The following RB1 variants were observed in gnomAD, a reference collection of about 807,000 sequenced individuals.
The protein encoded by RB1 is RB transcriptional corepressor 1.
RB1 carries 18 observed loss-of-function variants against 135.4 expected under a neutral mutation model. That is an observed-to-expected ratio of 0.13 (90% CI 0.09 to 0.20). RB1 has a LOEUF of 0.20. Ranked by LOEUF, RB1 falls within the 10% of genes least tolerant of loss-of-function variation. RB1 has a pLI of 1.00. For missense variants in RB1, 868 were observed against 1,110.0 expected (o/e 0.78, Z 3.10); for synonymous variants, 365 against 373.2 (o/e 0.98, Z 0.25).
rs553708798 is a variant in RB1 at position 48,459,904 on chromosome 13, T to C, written c.2106+71T>C. 2.3e-3 allele frequency: 1,050 copies of C among 462,432 alleles called. 41 individuals carry two copies. The African/African-American group carries it at 0.034, about 15-fold the overall frequency. The allele number at this position is 462,432 out of a possible 1,614,324, so 28.6% of individuals were successfully genotyped here. On this transcript the variant is annotated intron_variant, in intron 20 of 26. Coordinates refer to ENST00000267163, the MANE Select transcript of RB1 (RefSeq NM_000321.3). ...TTAACTGATTCTTTCTTTCTTTCTT[T>C]CTTTCTTTCTTTCTTTCTTTCTTTC...
chr13:48,313,818 G>A (rs1262485525), intron 2 of RB1, among the ~76,000 whole-genome samples: 2 of 129,236 alleles, frequency 1.5e-5, no homozygotes, highest in Non-Finnish European at 3.1e-5. Flanking sequence ...GCACAATCTC[G>A]GCTTCCTGCA....
chr13:48,328,788 A>T (rs1452825581), intron 2 of RB1, among the ~76,000 whole-genome samples: 1 of 152,176 alleles, frequency 6.6e-6, no homozygotes, highest in African/African-American at 2.4e-5. Context: ...TAGGATTCAA[A>T]TCAGTGTGGA....
chr13:48,319,192 C>A lies in RB1; in HGVS notation c.264+11786C>A. 1 of 647,300 alleles carries A rather than the reference C, an allele frequency of 1.5e-6. No homozygotes were observed. 40.1% of individuals were successfully genotyped at this position (647,300 alleles called of 1,614,324 possible). ...AGGCACCCCGGGCAAGGGTCTGTGG[C>A]CTTGGTGGCCACTGGCTTCCTCTAG... On this transcript the variant is annotated intron_variant, in intron 2 of 26. Transcript: ENST00000267163. This position sits in a 1 kb window ranked among gnomAD's most constrained non-coding sequence, Gnocchi z 5.0.
chr13:48,379,524 A>AG, intron 13 of RB1, 70 bp from the exon 14 acceptor site: 1 of 1,554,866 alleles, frequency 6.4e-7, no homozygotes, highest in Non-Finnish European at 8.7e-7. Flanking sequence ...CATCTCAAAA[A>AG]AAAAAAAAAT....
rs2138331465 is a variant in RB1 at position 48,456,306 on chromosome 13, G to A, written c.1917G>A (p.Gln639=). 6.2e-7 allele frequency: 1 copy of A among 1,614,218 alleles called. No homozygotes were observed. The highest frequency in any genetic ancestry group is 8.5e-7 in the Non-Finnish European group (1 of 1,180,046). ...ETQATSAFQT[Q]KPLKSTSLSL... ...AAGCAACCTCAGCCTTCCAGACCCA[G>A]AAGCCATTGAAATCTACCTCTCTTT... Residue 639 remains glutamine, a synonymous_variant, in exon 19 of 27, where the codon CAG becomes CAA. Transcript: ENST00000267163.
At chr13:48,360,291 A>T in intron 7 of RB1, 164 bp downstream of exon 7, 1 of 1,398,216 alleles carries the variant, frequency 7.2e-7, no homozygotes, top group Non-Finnish European at 9.4e-7. Context: ...AAGATAAGAC[A>T]TGGAAACAAA....
intron 17 of RB1, among the ~76,000 whole-genome samples, chr13:48,402,496 G>C (rs1948701940): frequency 6.7e-6 from 1 of 148,668 alleles, no homozygotes; most frequent in South Asian, 2.2e-4. Context: ...TCCCACCTCA[G>C]CCTCCTTAGT....
intron 2 of RB1, among the ~76,000 whole-genome samples, chr13:48,315,720 T>TA (rs1352146068): frequency 6.6e-6 from 1 of 152,246 alleles, no homozygotes; most frequent in African/African-American, 2.4e-5. Flanking sequence ...TGTTGAGCTA[T>TA]ATACCACACT....
intron 17 of RB1, among the ~76,000 whole-genome samples, chr13:48,388,877 C>T (rs375562530): frequency 4.6e-5 from 7 of 151,770 alleles, no homozygotes; most frequent in South Asian, 2.1e-4. Flanking sequence ...ATAGAGAGAC[C>T]GACCAGGTGC....
chr13:48,452,922 T>G (rs1949336866), intron 17 of RB1, 71 bp from the exon 18 acceptor site: 1 of 1,595,268 alleles, frequency 6.3e-7, no homozygotes, highest in African/African-American at 1.3e-5. Context: ...TGTCAAACAA[T>G]ATGATTTTGA....
chr13:48,319,930 G>T lies in RB1; in HGVS notation c.264+12524G>T. 1 of 341,086 alleles carries T rather than the reference G, an allele frequency of 2.9e-6. No individual in the cohort carries two copies. The highest frequency in any genetic ancestry group is 5.6e-6 in the Non-Finnish European group (1 of 177,422). 21.1% of individuals were successfully genotyped at this position (341,086 alleles called of 1,614,324 possible). ...ACCTGAGCCAGGTACAAGTTTTGGG[G>T]GGACACACGGAAGTCGGGGCACTGC... On this transcript the variant is annotated intron_variant, in intron 2 of 26. Coordinates refer to ENST00000267163, the MANE Select transcript of RB1 (RefSeq NM_000321.3). The surrounding 1 kb of genome is among the most constrained non-coding windows in gnomAD (Gnocchi z 5.0).
chr13:48,364,840 G>A, intron 8 of RB1, 54 bp from the exon 9 acceptor site: 1 of 1,533,508 alleles, frequency 6.5e-7, no homozygotes, highest in Non-Finnish European at 8.8e-7. Flanking sequence ...AGAGTCAAGA[G>A]ATTAGATTTT....
At chr13:48,328,498 A>C (rs1246286157) in intron 2 of RB1, 1 of 801,488 alleles carries the variant, frequency 1.2e-6, no homozygotes, top group Non-Finnish European at 2.3e-6. Context: ...CCTCTCCATT[A>C]CTCCAGCAGC....
intron 2 of RB1, chr13:48,318,755 G>T: frequency 1.5e-6 from 1 of 672,502 alleles, no homozygotes; most frequent in South Asian, 1.6e-5. Flanking sequence ...GGGGGGCCTT[G>T]GGGCCACTGG....
chr13:48,312,016 T>G (rs1377566116), intron 2 of RB1, among the ~76,000 whole-genome samples: 1 of 152,334 alleles, frequency 6.6e-6, no homozygotes, highest in South Asian at 2.1e-4. Flanking sequence ...TAGTGTATTT[T>G]AAAGCTTTAT....
intron 11 of RB1, among the ~76,000 whole-genome samples, chr13:48,372,951 A>G (rs4151522): frequency 0.03 from 4,547 of 152,302 alleles, 212 homozygotes; most frequent in African/African-American, 0.099. Flanking sequence ...TTTTAAATGT[A>G]TCCAGGATCT....
At chr13:48,381,480 GCATATGGCTAACAAATTA>G in intron 17 of RB1, 37 bp downstream of exon 17, 1 of 1,587,622 alleles carries the variant, frequency 6.3e-7, no homozygotes, top group Non-Finnish European at 8.6e-7. Flanking sequence ...TCATTCATGT[GCATATGGCTAACAAATTA>G]TTGTTAGTGA....
chr13:48,364,797 G>A (rs1299119313), intron 8 of RB1, 97 bp from the exon 9 acceptor site: 7 of 1,360,210 alleles, frequency 5.1e-6, no homozygotes, highest in Non-Finnish European at 5.9e-6. Flanking sequence ...CTGCATGGGG[G>A]ATTGACACCT....
chr13:48,456,709 A>T (rs1949362861), intron 19 of RB1, among the ~76,000 whole-genome samples: 1 of 152,216 alleles, frequency 6.6e-6, no homozygotes, highest in Non-Finnish European at 1.5e-5. Context: ...TGTGTGGGCA[A>T]GCATGAGATC....
Sources: gnomAD v4.1 joint callset for allele counts (sites outside exome capture counted in the v4.1 genomes callset) on GRCh38, gnomAD v4.1.1 for gene constraint, Gnocchi (gnomAD v3.1) non-coding constraint, MANE v1.5 for transcripts, NCBI Gene and HGNC (gene_info 2026-07-23, HGNC 2026-07-21) for gene names.